The following TP63 variants were observed in gnomAD, a reference collection of about 807,000 sequenced individuals.
The protein encoded by TP63 is tumor protein 63.
A neutral mutation model predicts 82.8 loss-of-function variants in TP63; 17 were observed. The observed-to-expected ratio is 0.21, with a 90% CI of 0.14 to 0.31. TP63 has a LOEUF of 0.31. Among genes scored for constraint, TP63 ranks in the 10% least tolerant of loss-of-function variants. The pLI is 1.00. For synonymous variants in TP63, 330 were observed against 321.7 expected, an observed-to-expected ratio of 1.03 and a Z score of -0.28; for missense variants, 648 against 895.3, an observed-to-expected ratio of 0.72 and a Z score of 3.52.
chr3:189,802,776 A>T (rs2108623652), intron 3 of TP63, among the ~76,000 whole-genome samples: 1 of 152,312 alleles, frequency 6.6e-6, no homozygotes, highest in South Asian at 2.1e-4. Context: ...GATTATAAAT[A>T]CAATTTCTTC....
In TP63 at chr3:189,864,523, G is replaced by A. The variant is rs112063994; in HGVS notation, c.766+105G>A. ...TACCTGATTCAGACTTCTGCACTCC[G>A]ATGGCAGATCAGTCTGCCTTTTTTT... On this transcript the variant is annotated intron_variant, in intron 5 of 13. Transcript: ENST00000264731. 8.4e-4 allele frequency: 659 copies of A among 787,078 alleles called. 3 individuals are homozygous for A. In the African/African-American group the frequency reaches 0.011, roughly 13 times the overall value. 48.8% of individuals were successfully genotyped at this position (787,078 alleles called of 1,614,324 possible).
intron 4 of TP63, among the ~76,000 whole-genome samples, chr3:189,844,616 A>G (rs1714621108): frequency 6.6e-6 from 1 of 152,172 alleles, no homozygotes; most frequent in South Asian, 2.1e-4. Flanking sequence ...TTAAAAAATA[A>G]TATCTTTCTC....
At chr3:189,871,054 A>T (rs1265175098) in intron 9 of TP63, among the ~76,000 whole-genome samples, 2 of 152,162 alleles carry the variant, frequency 1.3e-5, no homozygotes, top group Admixed American at 6.5e-5. Flanking sequence ...CATTACCCTG[A>T]TACACTAAAT....
intron 1 of TP63, among the ~76,000 whole-genome samples, chr3:189,636,902 TATC>T (rs1729818569): frequency 2.0e-5 from 3 of 152,194 alleles, no homozygotes; most frequent in Admixed American, 2.0e-4. Context: ...CTGCATCGTT[TATC>T]ATCATGTATT....
intron 3 of TP63, among the ~76,000 whole-genome samples, chr3:189,776,871 T>C (rs557361460): frequency 5.6e-4 from 86 of 152,286 alleles, no homozygotes; most frequent in African/African-American, 1.9e-3. Flanking sequence ...TCTTTGGTGA[T>C]AGCAATAGCA....
In TP63 at chr3:189,816,934, G is replaced by A. The variant is rs183765754; in HGVS notation, c.579+8408G>A. Among the ~76,000 whole-genome samples, 3 of 152,050 alleles carry A rather than the reference G, an allele frequency of 2.0e-5. No homozygotes were observed. The East Asian group carries it at 5.8e-4, about 29-fold the overall frequency. ...ATTTATTGTGAGGTAAATTAGGGAG[G>A]GATTCTGACTTTACAGATAGAATGA... On this transcript the variant is annotated intron_variant, in intron 4 of 13. Transcript: ENST00000264731.
rs577553623 is a variant in TP63, at chr3:189,860,128, TA to T, written c.580-4100del. 2.6e-5 allele frequency among the ~76,000 whole-genome samples: 4 copies of T among 152,096 alleles called. No individual in the cohort carries two copies. In the South Asian group the frequency reaches 8.3e-4, roughly 32 times the overall value. On this transcript the variant is annotated intron_variant, in intron 4 of 13. Transcript: ENST00000264731. ...ATACTTTGCGGAAAAGTATACCACA[TA>T]AAACAAAACCCCCATACAAAAAAGA... is the stretch of plus-strand genomic sequence containing the variant.
chr3:189,748,508 C>CAAAAAAAAAAAAAAAAAAAAAA (rs58926854), intron 3 of TP63, among the ~76,000 whole-genome samples: 2 of 31,260 alleles, frequency 6.4e-5, no homozygotes, highest in Non-Finnish European at 1.1e-4. Context: ...AGGAAAACTA[C>CAAAAAAAAAAAAAAAAAAAAAA]AAAAAAAAAA....
chr3:189,693,771 G>A (rs964747080), intron 1 of TP63, among the ~76,000 whole-genome samples: 3 of 152,154 alleles, frequency 2.0e-5, no homozygotes, highest in African/African-American at 7.2e-5. Flanking sequence ...ATCATTAGAT[G>A]TGCATTTGGA....
chr3:189,627,070 A>C (rs913135339), upstream of TP63, among the ~76,000 whole-genome samples: 3 of 152,120 alleles, frequency 2.0e-5, no homozygotes, highest in African/African-American at 7.2e-5. Context: ...TACCTGCTTG[A>C]GGTCTGGGAG....
At chr3:189,744,082 C>T (rs550486816) in intron 3 of TP63, among the ~76,000 whole-genome samples, 1 of 152,276 alleles carries the variant, frequency 6.6e-6, no homozygotes, top group East Asian at 1.9e-4. Flanking sequence ...TGCCCAACGG[C>T]CCATGCATCT....
intron 4 of TP63, among the ~76,000 whole-genome samples, chr3:189,864,000 T>C (rs1198971274): frequency 2.6e-5 from 4 of 152,246 alleles, no homozygotes; most frequent in Admixed American, 1.3e-4. Flanking sequence ...TAAATGTGTT[T>C]TGATAAACAT....
At position 189,808,617 on chromosome 3, in the gene TP63, G is replaced by A. The variant is rs1727196095; in HGVS notation, c.579+91G>A. The A allele has an allele frequency of 2.5e-6, 4 of 1,599,192 alleles. No homozygotes were observed. In the Admixed American group the frequency reaches 6.7e-5, roughly 27 times the overall value. On this transcript the variant is annotated intron_variant, in intron 4 of 13. Transcript: ENST00000264731. Reference sequence around the variant, plus strand: ...GGGATTTCTCCCCCTTCCCAGTTTAGCGATTCCATGTTCATGGTGGAAAAT... The same window carrying A: ...GGGATTTCTCCCCCTTCCCAGTTTAACGATTCCATGTTCATGGTGGAAAAT...
chr3:189,811,164 G>C (rs768428434), intron 4 of TP63, among the ~76,000 whole-genome samples: 3 of 152,304 alleles, frequency 2.0e-5, no homozygotes, highest in Admixed American at 2.0e-4. Flanking sequence ...CAAGTCACTT[G>C]ATCTTTCTAA....
At chr3:189,605,741 AT>A in the TP63 span, among the ~76,000 whole-genome samples, 1 of 152,076 alleles carries the variant, frequency 6.6e-6, no homozygotes, top group Non-Finnish European at 1.5e-5. Context: ...TGTGTTTAAA[AT>A]TTTTTTTAGT....
intron 1 of TP63, among the ~76,000 whole-genome samples, chr3:189,713,242 G>T (rs116363538): frequency 6.6e-6 from 1 of 152,184 alleles, no homozygotes; most frequent in Non-Finnish European, 1.5e-5. Context: ...TGCCTGGCAA[G>T]TAACTACTCA....
At chr3:189,871,780 G>A (rs1436477695) in intron 9 of TP63, among the ~76,000 whole-genome samples, 2 of 151,994 alleles carry the variant, frequency 1.3e-5, no homozygotes, top group Non-Finnish European at 2.9e-5. Flanking sequence ...GGAGTGTAGT[G>A]GCAGGATCAT....
rs957547237 is a variant in TP63, at chr3:189,725,740, T to C, written c.63-12000T>C. ...ACTACTGATTCTTCAGTGCAACACA[T>C]ACATAGCCAATACAAATGTAAAATT... On this transcript the variant is annotated intron_variant, in intron 1 of 13. Transcript: ENST00000264731. Among the ~76,000 whole-genome samples the C allele has an allele frequency of 8.5e-5, 13 of 152,292 alleles. 1 individual carries two copies. Among genetic ancestry groups the C allele is most frequent in the Admixed American group, 8.5e-4 (13 of 15,296 alleles).
intron 1 of TP63, among the ~76,000 whole-genome samples, chr3:189,689,560 G>A (rs1322297684): frequency 1.3e-5 from 2 of 152,066 alleles, no homozygotes; most frequent in Non-Finnish European, 2.9e-5. Context: ...TTGAGCTACT[G>A]GGGATTTCTT....
Sources: allele counts gnomAD v4.1 joint callset (sites outside exome capture counted in the v4.1 genomes callset), GRCh38; gene constraint gnomAD v4.1.1; transcripts MANE v1.5; gene names NCBI Gene and HGNC (gene_info 2026-07-23, HGNC 2026-07-21).